ATP7B: variants seen among roughly 807,000 people sequenced by gnomAD.
The protein encoded by ATP7B is ATPase copper transporting beta.
Under a neutral mutation model 118.9 loss-of-function variants are expected in ATP7B, and 113 were observed. The ratio of observed to expected loss-of-function variants is 0.95; its 90% CI spans 0.82 to 1.11. The LOEUF (loss-of-function observed/expected upper bound fraction) is 1.11. Ranked by LOEUF, ATP7B falls within the 50% of genes most tolerant of loss-of-function variation. The pLI, the probability that ATP7B is intolerant of heterozygous loss-of-function variation, is 0.00. For synonymous variants in ATP7B, 777 were observed against 727.4 expected (o/e 1.07, Z -1.10); for missense variants, 1,867 against 1,871.4 (o/e 1.00, Z 0.04).
At chr13:51,959,905 A>G (rs933608756) in intron 7 of ATP7B, 1 of 549,606 alleles carries the variant, frequency 1.8e-6, no homozygotes, top group African/African-American at 1.9e-5. Context: ...GATCACTTGC[A>G]ATCAACTGAA....
chr13:51,986,487 TAA>T (rs1264735113), intron 1 of ATP7B, among the ~76,000 whole-genome samples: 2 of 152,202 alleles, frequency 1.3e-5, no homozygotes, highest in East Asian at 1.9e-4. Flanking sequence ...ACCAGAGGTA[TAA>T]AGAGGAGCTG....
Position 51,964,981 on chromosome 13 carries a change from G to A in ATP7B, c.1760C>T (p.Thr587Met), listed in dbSNP as rs757716093. The A allele has an allele frequency of 2.2e-5, 36 of 1,614,034 alleles. No homozygotes were observed. Among genetic ancestry groups the A allele is most frequent in the East Asian group, 6.7e-5 (3 of 44,892 alleles). ...GGCATAAGTGATGCCATTTGTCCTC[G>A]TGAGTTTGGACTCTATGTTGTGGAC... The part of the protein sequence containing the change: ...SCVHNIESKL[T>M]RTNGITYASV... The change falls in exon 5 of 21, where the codon ACG becomes ATG. Residue 587 changes from threonine (T) to methionine (M), a missense_variant. Physicochemically the swap from Thr to Met is moderately conservative, Grantham distance 81. Transcript: ENST00000242839.
intron 1 of ATP7B, among the ~76,000 whole-genome samples, chr13:52,000,985 A>G (rs1953467402): frequency 6.6e-6 from 1 of 152,176 alleles, no homozygotes; most frequent in Non-Finnish European, 1.5e-5. Context: ...GGACCACTGC[A>G]CTCTACCCTG....
chr13:51,995,121 C>A (rs909156618), intron 1 of ATP7B, among the ~76,000 whole-genome samples: 2 of 152,090 alleles, frequency 1.3e-5, no homozygotes, highest in Non-Finnish European at 2.9e-5. Flanking sequence ...AAATAAAAAG[C>A]AACAAAACCC....
Position 51,958,330 on chromosome 13 carries a change from C to T in ATP7B, c.2336G>A (p.Trp779Ter), listed in dbSNP as rs137853283. The T allele has an allele frequency of 4.3e-5, 70 of 1,614,042 alleles. No individual in the cohort carries two copies. Among genetic ancestry groups the T allele is most frequent in the African/African-American group, 6.7e-5 (5 of 74,906 alleles). Residue 779 changes from tryptophan to a stop codon, truncating the protein, a stop_gained, in exon 8 of 21, where the codon TGG (tryptophan) becomes TAG (stop). Transcript: ENST00000242839. LOFTEE classifies it high-confidence loss of function. The part of the protein sequence containing the change: ...MLFVFIALGR[W>*]LEHLAKSKTS... ...TGTTACCTTTGCCAAGTGTTCCAGC[C>T]ACCGGCCCAGGGCAATGAACACAAA...
chr13:51,960,937 C>A (rs1262614513), intron 6 of ATP7B, among the ~76,000 whole-genome samples: 1 of 151,940 alleles, frequency 6.6e-6, no homozygotes, highest in African/African-American at 2.4e-5. Context: ...TAAAACATGA[C>A]ATGAAAACCA....
At position 51,974,773 on chromosome 13, in the gene ATP7B, C is replaced by G. The variant is rs776619662; in HGVS notation, c.447G>C (p.Val149=). 1 of 1,614,170 alleles carries G rather than the reference C, an allele frequency of 6.2e-7. No individual in the cohort carries two copies. Among genetic ancestry groups the G allele is most frequent in the South Asian group, 1.1e-5 (1 of 91,086 alleles). ...PAQEAVVKLR[V]EGMTCQSCVS... ...CACAGGACTGGCAGGTCATGCCCTCCACCCGGAGCTTGACCACAGCCTCCT... is the reference window on the plus strand; with the variant it reads ...CACAGGACTGGCAGGTCATGCCCTCGACCCGGAGCTTGACCACAGCCTCCT... The change falls in exon 2 of 21, where the codon GTG becomes GTC. Residue 149 remains valine, a synonymous_variant. Coordinates refer to ENST00000242839, the MANE Select transcript of ATP7B (RefSeq NM_000053.4).
chr13:51,938,173 G>A (rs1016255722), intron 17 of ATP7B, among the ~76,000 whole-genome samples: 2 of 152,180 alleles, frequency 1.3e-5, no homozygotes, highest in African/African-American at 4.8e-5. Context: ...CCAAACCGCC[G>A]TGCTACTCTG....
In ATP7B at chr13:51,934,770, C is replaced by T. The variant is rs1767064596; in HGVS notation, c.4384G>A (p.Glu1462Lys). 6.2e-7 allele frequency: 1 copy of T among 1,613,904 alleles called. No homozygotes were observed. ...GCCTGAAGTCATCAGATGTACTGCT[C>T]CTCATCCCTGCCATTCAGGAGCAGA... Reference protein sequence around the residue: ...WSLLLNGRDEEQYI With the variant: ...WSLLLNGRDEKQYI Residue 1462 changes from glutamate (E) to lysine (K), a missense_variant, in exon 21 of 21, where the codon GAG (glutamate) becomes AAG (lysine). By Grantham distance (56) the Glu-to-Lys change is moderately conservative (BLOSUM62 1). Transcript: ENST00000242839.
At chr13:52,004,289 T>C (rs1953672457) in intron 1 of ATP7B, among the ~76,000 whole-genome samples, 2 of 152,148 alleles carry the variant, frequency 1.3e-5, no homozygotes, top group Non-Finnish European at 2.9e-5. Flanking sequence ...AGGATTATCC[T>C]TGCCTTTCCC....
intron 16 of ATP7B, among the ~76,000 whole-genome samples, chr13:51,940,757 C>A (rs1269678877): frequency 6.6e-6 from 1 of 152,060 alleles, no homozygotes; most frequent in Non-Finnish European, 1.5e-5. Context: ...GAAGTGAATT[C>A]CTGCTCTGTC....
chr13:52,002,288 G>A lies in ATP7B; in HGVS notation c.51+8999C>T, dbSNP rs74238271. Among the ~76,000 whole-genome samples, 89 of 151,798 alleles carry A rather than the reference G, an allele frequency of 5.9e-4. 1 individual carries two copies. In the East Asian group the frequency reaches 0.012, roughly 21 times the overall value. On this transcript the variant is annotated intron_variant, in intron 1 of 20. Transcript: ENST00000242839. ...CAATACTCAACATTCAGGGCCAGGC[G>A]TGGGGGCTAACACCTGTAATCCTAG... is the stretch of plus-strand genomic sequence containing the variant.
chr13:51,936,641 C>T (rs1034014702), intron 19 of ATP7B, among the ~76,000 whole-genome samples: 1 of 152,154 alleles, frequency 6.6e-6, no homozygotes, highest in Non-Finnish European at 1.5e-5. Flanking sequence ...CCTTCTGCCC[C>T]AGCCTCTGTA....
chr13:52,006,427 A>G (rs1450530906), intron 1 of ATP7B, among the ~76,000 whole-genome samples: 1 of 152,348 alleles, frequency 6.6e-6, no homozygotes, highest in East Asian at 1.9e-4. Flanking sequence ...TCTAATACTC[A>G]GGACAGTTGA....
rs1956917991 is a variant in ATP7B at position 51,935,699 on chromosome 13, G to A, written c.4022-4C>T. On this transcript the variant is annotated splice_region_variant and splice_polypyrimidine_tract_variant and intron_variant, in intron 19 of 20. Transcript: ENST00000242839. The stretch of plus-strand genomic sequence containing the variant: ...ATGCCGATGGGCATGAAGACACCTG[G>A]GGAAGAAAGAACTCGCACTCACACC... The A allele has an allele frequency of 6.2e-7, 1 of 1,610,500 alleles. No homozygotes were observed. Among genetic ancestry groups the A allele is most frequent in the South Asian group, 1.1e-5 (1 of 90,076 alleles).
Position 51,968,472 on chromosome 13 carries a change from G to A in ATP7B, c.1679C>T (p.Ala560Val), listed in dbSNP as rs1308666404. The change falls in exon 4 of 21, where the codon GCA (alanine) becomes GTA (valine). Residue 560 changes from alanine (A) to valine (V), a missense_variant. By Grantham distance (64) the Ala-to-Val change is moderately conservative. Transcript: ENST00000242839. ...CAGCTCAATGTTGCCATCGGAGCCT[G>A]CGTAGTCCTCCATGACTGCTGCCTC... Reference protein sequence around the residue: ...GFEAAVMEDYAGSDGNIELTI... With the variant: ...GFEAAVMEDYVGSDGNIELTI... 1 of 1,614,174 alleles carries A rather than the reference G, an allele frequency of 6.2e-7. No homozygotes were observed. The highest frequency in any genetic ancestry group is 8.5e-7 in the Non-Finnish European group (1 of 1,180,032).
At chr13:51,969,114 C>T (rs747014059) in intron 3 of ATP7B, among the ~76,000 whole-genome samples, 10 of 151,118 alleles carry the variant, frequency 6.6e-5, no homozygotes, top group Non-Finnish European at 1.0e-4. Context: ...TCGCCTTGGC[C>T]TCCCAAGGCA....
rs574118389 is a variant in ATP7B at position 51,960,710 on chromosome 13, G to GA, written c.1947-389dup. Among the ~76,000 whole-genome samples the GA allele has an allele frequency of 7.2e-5, 11 of 151,784 alleles. No homozygotes were observed. The East Asian group carries it at 1.2e-3, about 16-fold the overall frequency. On this transcript the variant is annotated intron_variant, in intron 6 of 20. Coordinates refer to ENST00000242839, the MANE Select transcript of ATP7B (RefSeq NM_000053.4). Reference sequence around the variant, plus strand: ...ATGCAATCTTATACAGACCCCCAAAGAAAAAAATAGATAAAAGCAGTATTT... The same window carrying GA: ...ATGCAATCTTATACAGACCCCCAAAGAAAAAAAATAGATAAAAGCAGTATTT...
intron 9 of ATP7B, among the ~76,000 whole-genome samples, chr13:51,952,917 G>T (rs1958099350): frequency 1.3e-5 from 2 of 152,182 alleles, no homozygotes; most frequent in Non-Finnish European, 2.9e-5. Context: ...GTAGGCTGGG[G>T]TTACAAACAG....
Sources: allele counts gnomAD v4.1 joint callset (sites outside exome capture counted in the v4.1 genomes callset), GRCh38; gene constraint gnomAD v4.1.1; transcripts MANE v1.5; gene names NCBI Gene and HGNC (gene_info 2026-07-23, HGNC 2026-07-21).